Variants in SP140L observed in about 807,000 individuals in gnomAD.
SP140L encodes the protein SP140 like nuclear body protein.
A neutral mutation model predicts 84.3 loss-of-function variants in SP140L; 64 were observed. The observed-to-expected ratio is 0.76, with a 90% CI of 0.62 to 0.94. The LOEUF is 0.94. Among genes scored for constraint, SP140L ranks in the 40% least tolerant of loss-of-function variants. The pLI is 0.00. For missense variants in SP140L, 628 were observed against 692.5 expected, an observed-to-expected ratio of 0.91 and a Z score of 1.05; for synonymous variants, 242 against 236.9, an observed-to-expected ratio of 1.02 and a Z score of -0.20.
intron 9 of SP140L, among the ~76,000 whole-genome samples, chr2:230,386,597 C>G (rs927555304): frequency 1.3e-5 from 2 of 152,166 alleles, no homozygotes; most frequent in Non-Finnish European, 2.9e-5. Context: ...CTGCCTTGCT[C>G]AGCCACTTGA....
chr2:230,350,442 G>A (rs189675700), intron 2 of SP140L, among the ~76,000 whole-genome samples: 9 of 152,270 alleles, frequency 5.9e-5, no homozygotes, highest in African/African-American at 1.9e-4. Flanking sequence ...GTGTTATTGT[G>A]GAGTTGTTGT....
intron 2 of SP140L, 98 bp downstream of exon 2, chr2:230,328,929 C>T (rs1222786185): frequency 1.4e-6 from 2 of 1,439,846 alleles, no homozygotes; most frequent in Non-Finnish European, 1.8e-6. Flanking sequence ...ATTTCCTCTT[C>T]CATAATTTTT....
intron 2 of SP140L, chr2:230,342,088 A>G (rs12467680): frequency 0.11 from 18,766 of 165,282 alleles, 1,847 homozygotes; most frequent in East Asian, 0.47. Context: ...CCCCTCCCCC[A>G]GCGTCACTGC....
In SP140L at chr2:230,327,234, A is replaced by C. The variant is rs371738528; in HGVS notation, c.-36A>C. The C allele has an allele frequency of 6.3e-7, 1 of 1,599,728 alleles. No individual in the cohort carries two copies. The highest frequency in any genetic ancestry group is 8.5e-7 in the Non-Finnish European group (1 of 1,173,032). On this transcript the variant is annotated 5_prime_UTR_variant, in exon 1 of 19. Coordinates refer to ENST00000415673, the MANE Select transcript of SP140L (RefSeq NM_138402.6). The stretch of plus-strand genomic sequence containing the variant: ...GGGCCGACTGGGGAGCTCATAGGCC[A>C]GGCTCTGACACCCAGGCAGGGCCTA...
chr2:230,345,180 A>G (rs1452197009), intron 2 of SP140L, among the ~76,000 whole-genome samples: 2 of 152,194 alleles, frequency 1.3e-5, no homozygotes, highest in Non-Finnish European at 2.9e-5. Flanking sequence ...TAGGTATTCC[A>G]ATGCTATTGT....
chr2:230,351,557 A>G (rs1016547019), intron 2 of SP140L, among the ~76,000 whole-genome samples: 1 of 152,186 alleles, frequency 6.6e-6, no homozygotes, highest in East Asian at 1.9e-4. Context: ...AGAACATTTA[A>G]ATCGATTAAG....
intron 11 of SP140L, 31 bp downstream of exon 11, chr2:230,390,054 C>T (rs2061737520): frequency 6.4e-7 from 1 of 1,569,444 alleles, no homozygotes; most frequent in Non-Finnish European, 8.7e-7. Flanking sequence ...TAATTTGCAG[C>T]TCCTATCTGA....
rs557048294 is a variant in SP140L, at chr2:230,358,219, A to G, written c.270+252A>G. ...TGTAGAATTCATACACTATAACATA[A>G]ACTAAAATTTAAAAATAATTTTAAT... is the stretch of plus-strand genomic sequence containing the variant. On this transcript the variant is annotated intron_variant, in intron 3 of 18. Coordinates refer to ENST00000415673, the MANE Select transcript of SP140L (RefSeq NM_138402.6). Among the ~76,000 whole-genome samples, 28 of 152,256 alleles carry G rather than the reference A, an allele frequency of 1.8e-4. 1 individual carries two copies. In the South Asian group the frequency reaches 4.6e-3, roughly 25 times the overall value.
At chr2:230,382,121 A>G (rs1472362339) in intron 7 of SP140L, among the ~76,000 whole-genome samples, 2 of 152,058 alleles carry the variant, frequency 1.3e-5, no homozygotes, top group Non-Finnish European at 2.9e-5. Flanking sequence ...CAGTCTGTCC[A>G]ATCTATCCTC....
Position 230,327,302 on chromosome 2 carries a change from G to A in SP140L, c.32+1G>A, listed in dbSNP as rs1265329849. ...GTGGGGGCAGCGACCTGAGCACCAG[G>A]TGAGTCTTTATCTCTCTTCCTTTCA... On this transcript the variant is annotated splice_donor_variant, in intron 1 of 18. Coordinates refer to ENST00000415673, the MANE Select transcript of SP140L (RefSeq NM_138402.6). LOFTEE classifies it high-confidence loss of function. 1.9e-6 allele frequency: 3 copies of A among 1,611,292 alleles called. No homozygotes were observed. The highest frequency in any genetic ancestry group is 2.5e-6 in the Non-Finnish European group (3 of 1,178,782).
chr2:230,396,515 T>C (rs1310002235), intron 13 of SP140L, among the ~76,000 whole-genome samples: 1 of 152,210 alleles, frequency 6.6e-6, no homozygotes, highest in Admixed American at 6.5e-5. Flanking sequence ...TAGAGGTAGA[T>C]GACGGATTCC....
intron 2 of SP140L, among the ~76,000 whole-genome samples, chr2:230,333,450 G>T (rs904812169): frequency 6.6e-6 from 1 of 152,044 alleles, no homozygotes; most frequent in African/African-American, 2.4e-5. Flanking sequence ...AAGCCACCGC[G>T]CCCGACCCCC....
intron 7 of SP140L, 114 bp from the exon 8 acceptor site, chr2:230,383,396 G>T (rs1344563333): frequency 5.9e-6 from 6 of 1,018,862 alleles, no homozygotes; most frequent in Non-Finnish European, 8.5e-6. Context: ...AAAGAATTTT[G>T]CCCCATTCCT....
intron 5 of SP140L, among the ~76,000 whole-genome samples, chr2:230,362,595 C>T (rs1259202656): frequency 7.2e-6 from 1 of 138,812 alleles, no homozygotes; most frequent in East Asian, 2.6e-4. Context: ...CAAAAATAAC[C>T]ATGTTATTAA....
chr2:230,364,742 C>T (rs1211640877), intron 5 of SP140L, among the ~76,000 whole-genome samples: 1 of 152,074 alleles, frequency 6.6e-6, no homozygotes, highest in African/African-American at 2.4e-5. Flanking sequence ...AAACTTTCAA[C>T]ATTTTACTAA....
At position 230,400,103 on chromosome 2, in the gene SP140L, C is replaced by T. The variant is rs201878071; in HGVS notation, c.1198-24C>T. The T allele has an allele frequency of 2.4e-3, 3,889 of 1,612,552 alleles. 7 individuals carry two copies. The highest frequency in any genetic ancestry group is 3.1e-3 in the Non-Finnish European group (3,651 of 1,179,052). ...TCCTGAATCTTGTGATTCCCAGTGA[C>T]GTGGACACTGTTTTACCTTCTAGAT... On this transcript the variant is annotated intron_variant, in intron 14 of 18. Coordinates refer to ENST00000415673, the MANE Select transcript of SP140L (RefSeq NM_138402.6).
rs1393327160 is a variant in SP140L, at chr2:230,357,839, C to A, written c.142C>A (p.Leu48Ile). 1.2e-6 allele frequency: 2 copies of A among 1,613,264 alleles called. No individual in the cohort carries two copies. The highest frequency in any genetic ancestry group is 8.5e-7 in the Non-Finnish European group (1 of 1,179,766). ...GGAAGACCAGGATGTAGATGAGGGACTTGTCTATGACACTGTATTCAAGCA... is the reference window on the plus strand; with the variant it reads ...GGAAGACCAGGATGTAGATGAGGGAATTGTCTATGACACTGTATTCAAGCA... Reference protein sequence around the residue: ...FTEDQDVDEGLVYDTVFKHFK... With the variant: ...FTEDQDVDEGIVYDTVFKHFK... The change falls in exon 3 of 19, where the codon CTT becomes ATT. Residue 48 changes from leucine to isoleucine, a missense_variant. Physicochemically the swap from Leu to Ile is conservative, Grantham distance 5. This residue lies in a region of SP140L where 525 missense variants were observed against 518.4 expected (regional missense o/e 1.01). Transcript: ENST00000415673.
chr2:230,367,858 G>A (rs2060937507), intron 5 of SP140L, among the ~76,000 whole-genome samples: 1 of 152,190 alleles, frequency 6.6e-6, no homozygotes, highest in Non-Finnish European at 1.5e-5. Context: ...CTTGAACCAG[G>A]GAGCTGGAGG....
intron 14 of SP140L, chr2:230,399,843 T>C: frequency 3.4e-6 from 1 of 293,740 alleles, no homozygotes; most frequent in Non-Finnish European, 6.5e-6. Flanking sequence ...TTCAGATTCC[T>C]ATAAGATCAT....
Sources: allele counts gnomAD v4.1 joint callset (sites outside exome capture counted in the v4.1 genomes callset), GRCh38; gene constraint gnomAD v4.1.1; regional missense constraint gnomAD v4.1.1; transcripts MANE v1.5; gene names NCBI Gene and HGNC (gene_info 2026-07-23, HGNC 2026-07-21).